The following CCDC102B variants were observed in gnomAD, a reference collection of about 807,000 sequenced individuals.
CCDC102B encodes coiled-coil domain-containing protein 102B.
A neutral mutation model predicts 57.4 loss-of-function variants in CCDC102B; 75 were observed. The observed-to-expected ratio is 1.31, with a 90% CI of 1.08 to 1.58. The LOEUF (loss-of-function observed/expected upper bound fraction) is 1.58. Ranked by LOEUF, CCDC102B falls within the 40% of genes most tolerant of loss-of-function variation. CCDC102B has a pLI of 0.00. For missense variants in CCDC102B, 636 were observed against 582.6 expected, an observed-to-expected ratio of 1.09 and a Z score of -0.94; for synonymous variants, 206 against 201.9, an observed-to-expected ratio of 1.02 and a Z score of -0.17.
chr18:68,740,813 T>C (rs551415973), intron 2 of CCDC102B, among the ~76,000 whole-genome samples: 3 of 152,272 alleles, frequency 2.0e-5, no homozygotes, highest in Admixed American at 6.5e-5. Flanking sequence ...TATGAATATG[T>C]ATATATATGT....
At chr18:68,724,037 G>C (rs149772057) in intron 2 of CCDC102B, among the ~76,000 whole-genome samples, 1 of 152,184 alleles carries the variant, frequency 6.6e-6, no homozygotes, top group Non-Finnish European at 1.5e-5. Context: ...CTCAGTTATT[G>C]ACTTCTGTGC....
intron 7 of CCDC102B, among the ~76,000 whole-genome samples, chr18:69,012,897 C>G (rs895332117): frequency 6.6e-6 from 1 of 151,886 alleles, no homozygotes; most frequent in Non-Finnish European, 1.5e-5. Context: ...TTTTAAAAAC[C>G]CAAATATTAA....
intron 2 of CCDC102B, among the ~76,000 whole-genome samples, chr18:68,729,684 G>C (rs187131608): frequency 8.9e-4 from 135 of 152,202 alleles, no homozygotes; most frequent in African/African-American, 3.2e-3. Flanking sequence ...AAATGAGCAA[G>C]CAAAACATGA....
intron 4 of CCDC102B, among the ~76,000 whole-genome samples, chr18:68,867,778 C>CG (rs2039061370): frequency 6.6e-6 from 1 of 151,032 alleles, no homozygotes; most frequent in African/African-American, 2.4e-5. Context: ...ACTAAAAATA[C>CG]AAAAAATTAG....
intron 7 of CCDC102B, among the ~76,000 whole-genome samples, chr18:69,039,838 A>G (rs2052386128): frequency 7.0e-6 from 1 of 143,826 alleles, no homozygotes; most frequent in Non-Finnish European, 1.5e-5. Context: ...AAATTACAGG[A>G]AATTAGAGGA....
intron 6 of CCDC102B, among the ~76,000 whole-genome samples, chr18:68,921,186 G>A (rs2041266008): frequency 6.6e-6 from 1 of 152,180 alleles, no homozygotes; most frequent in African/African-American, 2.4e-5. Flanking sequence ...TGGTTTGGCT[G>A]TATCCCCACC....
At chr18:68,956,359 T>TAA (rs2049855637) in intron 6 of CCDC102B, among the ~76,000 whole-genome samples, 1 of 41,704 alleles carries the variant, frequency 2.4e-5, no homozygotes, top group Non-Finnish European at 4.8e-5. Context: ...TTAATATATA[T>TAA]AATATATATA....
chr18:69,054,054 C>T lies in CCDC102B; in HGVS notation c.1459C>T (p.Arg487Cys), dbSNP rs895112123. 35 of 1,605,398 alleles carry T rather than the reference C, an allele frequency of 2.2e-5. No individual in the cohort carries two copies. The highest frequency in any genetic ancestry group is 6.9e-5 in the Admixed American group (4 of 57,678). Reference sequence around the variant, plus strand: ...GCTTGATGATTCCCTGAATCAGATCCGTAAGCTCCAGAGGTCTCTGGATGA... The same window carrying T: ...GCTTGATGATTCCCTGAATCAGATCTGTAAGCTCCAGAGGTCTCTGGATGA... ...DELDDSLNQI[R>C]KLQRSLDEEK... Residue 487 changes from arginine to cysteine, a missense_variant, in exon 8 of 8, where the codon CGT becomes TGT. Physicochemically the swap from Arg to Cys is radical, Grantham distance 180. Coordinates refer to ENST00000360242, the MANE Select transcript of CCDC102B (RefSeq NM_024781.3).
At chr18:68,848,269 CTT>C (rs2037966051) in intron 4 of CCDC102B, among the ~76,000 whole-genome samples, 1 of 151,886 alleles carries the variant, frequency 6.6e-6, no homozygotes, top group South Asian at 2.1e-4. Flanking sequence ...GTAAATTATT[CTT>C]TCTTACTCCC....
chr18:68,998,999 TAGAG>T (rs60271182), intron 6 of CCDC102B, among the ~76,000 whole-genome samples: 131 of 43,272 alleles, frequency 3.0e-3, no homozygotes, highest in East Asian at 0.012. Context: ...TATATATATA[TAGAG>T]AGAGAGAGAG....
At chr18:69,024,581 A>G (rs1286981835) in intron 7 of CCDC102B, among the ~76,000 whole-genome samples, 1 of 152,076 alleles carries the variant, frequency 6.6e-6, no homozygotes, top group Non-Finnish European at 1.5e-5. Context: ...GTAAGATTAT[A>G]TGTTAGCACA....
At chr18:68,983,959 G>GA (rs201250994) in intron 6 of CCDC102B, among the ~76,000 whole-genome samples, 101 of 151,428 alleles carry the variant, frequency 6.7e-4, no homozygotes, top group Non-Finnish European at 1.1e-3. Context: ...ATTTTTTCAA[G>GA]AAAAAAAATT....
intron 2 of CCDC102B, among the ~76,000 whole-genome samples, chr18:68,773,707 C>T (rs369758108): frequency 1.3e-5 from 2 of 151,804 alleles, no homozygotes; most frequent in Non-Finnish European, 2.9e-5. Flanking sequence ...TTAAGACTAA[C>T]GGTTTTGGGA....
At chr18:68,745,841 T>C (rs1157201911) in intron 2 of CCDC102B, among the ~76,000 whole-genome samples, 1 of 152,198 alleles carries the variant, frequency 6.6e-6, no homozygotes, top group Non-Finnish European at 1.5e-5. Flanking sequence ...CTATTTATCT[T>C]TCTGTTCCTG....
chr18:68,870,345 A>G lies in CCDC102B; in HGVS notation c.937-4324A>G, dbSNP rs967104583. ...GCACATTCTGCACATGTATCCCAGA[A>G]CTTAAAGTATAATCATAATAGTAAT... On this transcript the variant is annotated intron_variant, in intron 4 of 7. Coordinates refer to ENST00000360242, the MANE Select transcript of CCDC102B (RefSeq NM_024781.3). 2.0e-5 allele frequency among the ~76,000 whole-genome samples: 3 copies of G among 152,156 alleles called. 1 individual carries two copies. The highest frequency in any genetic ancestry group is 2.0e-4 in the Admixed American group (3 of 15,284).
chr18:69,045,994 AGTCTACT>A lies in CCDC102B; in HGVS notation c.1435-8033_1435-8027del, dbSNP rs1182662611. 2.6e-5 allele frequency among the ~76,000 whole-genome samples: 4 copies of A among 152,212 alleles called. No individual in the cohort carries two copies. The East Asian group carries it at 7.7e-4, about 29-fold the overall frequency. On this transcript the variant is annotated intron_variant, in intron 7 of 7. Coordinates refer to ENST00000360242, the MANE Select transcript of CCDC102B (RefSeq NM_024781.3). ...GGTGTACGTGTACCACATTTTCTTT[AGTCTACT>A]GTTGATGGGCATATAAGTTGATTGT...
chr18:68,869,330 G>A (rs2039137733), intron 4 of CCDC102B, among the ~76,000 whole-genome samples: 1 of 152,148 alleles, frequency 6.6e-6, no homozygotes, highest in African/African-American at 2.4e-5. Flanking sequence ...CAGGAGGGAA[G>A]CAGGAAAACC....
At chr18:68,934,613 A>G in intron 6 of CCDC102B, among the ~76,000 whole-genome samples, 1 of 152,040 alleles carries the variant, frequency 6.6e-6, no homozygotes, top group East Asian at 1.9e-4. Context: ...ACACACATAT[A>G]AAAACAGATA....
chr18:68,731,232 C>A (rs1431848667), intron 2 of CCDC102B, among the ~76,000 whole-genome samples: 1 of 152,134 alleles, frequency 6.6e-6, no homozygotes, highest in African/African-American at 2.4e-5. Flanking sequence ...GATCTGCCCG[C>A]CTCGGCCTCC....
Sources: gnomAD v4.1 joint callset for allele counts (sites outside exome capture counted in the v4.1 genomes callset) on GRCh38, gnomAD v4.1.1 for gene constraint, MANE v1.5 for transcripts, NCBI Gene and HGNC (gene_info 2026-07-23, HGNC 2026-07-21) for gene names.